The following RORA variants were observed in gnomAD, a reference collection of about 807,000 sequenced individuals.
The protein encoded by RORA is nuclear receptor ROR-alpha.
A neutral mutation model predicts 69.5 loss-of-function variants in RORA; 7 were observed. The ratio of observed to expected loss-of-function variants is 0.10; its 90% CI spans 0.06 to 0.19. The LOEUF (loss-of-function observed/expected upper bound fraction) is 0.19. RORA is among the 10% of genes least tolerant of loss of function. The pLI is 1.00. For missense variants in RORA, 457 were observed against 663.0 expected (o/e 0.69, Z 3.41); for synonymous variants, 261 against 240.8 (o/e 1.08, Z -0.78).
At chr15:61,018,144 A>T (rs745564650) in intron 1 of RORA, among the ~76,000 whole-genome samples, 18 of 152,216 alleles carry the variant, frequency 1.2e-4, no homozygotes, top group Non-Finnish European at 1.5e-4. Context: ...TACTATGCAT[A>T]GTAGAAAAGT....
At chr15:60,523,447 A>G (rs982520496) in intron 3 of RORA, among the ~76,000 whole-genome samples, 12 of 152,214 alleles carry the variant, frequency 7.9e-5, no homozygotes, top group African/African-American at 2.9e-4. Context: ...AAATTATGTG[A>G]AATTATATCA....
chr15:60,604,771 G>C (rs1480227270), intron 2 of RORA, among the ~76,000 whole-genome samples: 1 of 152,136 alleles, frequency 6.6e-6, no homozygotes, highest in Non-Finnish European at 1.5e-5. Context: ...CTTTGTGATT[G>C]GTGACAAGTT....
At chr15:60,752,831 T>C (rs1318929) in intron 1 of RORA, among the ~76,000 whole-genome samples, 90,467 of 151,996 alleles carry the variant, frequency 0.6, 27,282 homozygotes, top group South Asian at 0.67. Flanking sequence ...CGTCTGTCTG[T>C]GGGAGAAAGA....
At chr15:61,050,466 C>T (rs1897241336) in intron 1 of RORA, among the ~76,000 whole-genome samples, 1 of 152,244 alleles carries the variant, frequency 6.6e-6, no homozygotes, top group Non-Finnish European at 1.5e-5. Flanking sequence ...CTTAAAGCAT[C>T]GTGACAATAA....
At chr15:60,839,407 A>G (rs1342567301) in intron 1 of RORA, among the ~76,000 whole-genome samples, 4 of 152,184 alleles carry the variant, frequency 2.6e-5, no homozygotes, top group African/African-American at 9.7e-5. Context: ...ACCACACTAA[A>G]AATAAATGCA....
intron 1 of RORA, among the ~76,000 whole-genome samples, chr15:60,950,085 A>C (rs1893037303): frequency 6.6e-6 from 1 of 151,614 alleles, no homozygotes; most frequent in African/African-American, 2.4e-5. Flanking sequence ...CTAACAGCGG[A>C]TCTCTCGGCA....
intron 1 of RORA, among the ~76,000 whole-genome samples, chr15:60,933,270 T>C (rs1892425926): frequency 1.3e-5 from 2 of 152,232 alleles, no homozygotes; most frequent in African/African-American, 4.8e-5. Context: ...CCAATCTATC[T>C]TTTAAGCCTC....
At chr15:61,077,599 C>T (rs1272417101) in intron 1 of RORA, among the ~76,000 whole-genome samples, 1 of 152,164 alleles carries the variant, frequency 6.6e-6, no homozygotes. Flanking sequence ...ACTGAGAAGC[C>T]TACTGCCAAC....
chr15:60,607,597 C>T (rs1411819285), intron 2 of RORA, among the ~76,000 whole-genome samples: 2 of 152,168 alleles, frequency 1.3e-5, no homozygotes, highest in African/African-American at 4.8e-5. Context: ...CTGCATTATA[C>T]ACAGGCATTT....
intron 1 of RORA, among the ~76,000 whole-genome samples, chr15:61,146,833 G>A (rs1285536364): frequency 6.6e-6 from 1 of 152,194 alleles, no homozygotes; most frequent in Admixed American, 6.5e-5. Flanking sequence ...AGCTGAGGCT[G>A]ATACATTGGT....
At chr15:60,978,417 C>T (rs1026294229) in intron 1 of RORA, among the ~76,000 whole-genome samples, 5 of 152,098 alleles carry the variant, frequency 3.3e-5, no homozygotes, top group Admixed American at 3.3e-4. Flanking sequence ...ATTTTGGATA[C>T]TAATCTCTTA....
intron 1 of RORA, among the ~76,000 whole-genome samples, chr15:60,978,240 G>C (rs1267992394): frequency 6.6e-6 from 1 of 152,040 alleles, no homozygotes; most frequent in Non-Finnish European, 1.5e-5. Context: ...GTTTTGATTT[G>C]CATTTTCCTA....
intron 1 of RORA, among the ~76,000 whole-genome samples, chr15:61,101,294 C>G (rs144236427): frequency 6.6e-6 from 1 of 152,180 alleles, no homozygotes; most frequent in East Asian, 1.9e-4. Context: ...AAATGAATAT[C>G]CAGTTGGAAA....
chr15:60,755,797 GT>G (rs944995275), intron 1 of RORA, among the ~76,000 whole-genome samples: 4 of 152,144 alleles, frequency 2.6e-5, no homozygotes, highest in African/African-American at 4.8e-5. Context: ...CTCATCTCCT[GT>G]TTGTTCCCTC....
At position 61,226,315 on chromosome 15, in the gene RORA, C is replaced by T. The variant is rs891640146; in HGVS notation, c.166+2738G>A. Among the ~76,000 whole-genome samples the T allele has an allele frequency of 2.0e-5, 3 of 152,150 alleles. No individual in the cohort carries two copies. Among genetic ancestry groups the T allele is most frequent in the Non-Finnish European group, 4.4e-5 (3 of 68,022 alleles). Reference sequence around the variant, plus strand: ...TCCACCCTCCTGGAGGTTGAAAATGCTAATCATAAGGTGATGATGTTTGCT... The same window carrying T: ...TCCACCCTCCTGGAGGTTGAAAATGTTAATCATAAGGTGATGATGTTTGCT... On this transcript the variant is annotated intron_variant, in intron 1 of 10. Transcript: ENST00000335670. The surrounding 1 kb of genome is among the most constrained non-coding windows in gnomAD (Gnocchi z 4.2).
intron 1 of RORA, among the ~76,000 whole-genome samples, chr15:61,045,814 G>T (rs543738400): frequency 6.6e-6 from 1 of 152,268 alleles, no homozygotes; most frequent in South Asian, 2.1e-4. Context: ...CAACACAAAC[G>T]GAATGTCTGA....
intron 1 of RORA, among the ~76,000 whole-genome samples, chr15:61,020,679 G>T (rs1340368634): frequency 6.6e-6 from 1 of 152,106 alleles, no homozygotes; most frequent in Non-Finnish European, 1.5e-5. Flanking sequence ...GGCAATCTTG[G>T]TGCACTATTA....
intron 1 of RORA, among the ~76,000 whole-genome samples, chr15:61,090,236 T>C (rs905548252): frequency 6.6e-6 from 1 of 152,212 alleles, no homozygotes; most frequent in African/African-American, 2.4e-5. Flanking sequence ...TGAATCACTT[T>C]CAAGACCTTG....
intron 1 of RORA, among the ~76,000 whole-genome samples, chr15:60,790,209 A>T (rs952899011): frequency 2.0e-5 from 3 of 152,226 alleles, no homozygotes; most frequent in Non-Finnish European, 4.4e-5. Context: ...CACTTATTCC[A>T]TGGCAGATTC....
Sources: gnomAD v4.1 joint callset for allele counts (sites outside exome capture counted in the v4.1 genomes callset) on GRCh38, gnomAD v4.1.1 for gene constraint, Gnocchi (gnomAD v3.1) non-coding constraint, MANE v1.5 for transcripts, NCBI Gene and HGNC (gene_info 2026-07-23, HGNC 2026-07-21) for gene names.